Variants in MSH3 observed in about 807,000 individuals in gnomAD.
MSH3 encodes DNA mismatch repair protein Msh3.
MSH3 carries 106 observed loss-of-function variants against 123.3 expected under a neutral mutation model. That is an observed-to-expected ratio of 0.86 (90% CI 0.73 to 1.01). MSH3 has a LOEUF of 1.01. Among genes scored for constraint, MSH3 ranks in the 50% least tolerant of loss-of-function variants. The pLI, the probability that MSH3 is intolerant of heterozygous loss-of-function variation, is 0.00. For missense variants in MSH3, 1,459 were observed against 1,347.6 expected (o/e 1.08, Z -1.29); for synonymous variants, 515 against 481.4 (o/e 1.07, Z -0.91).
rs544571008 is a variant in MSH3, at chr5:80,758,576, T to C, written c.1764-2970T>C. Among the ~76,000 whole-genome samples, 9 of 152,320 alleles carry C rather than the reference T, an allele frequency of 5.9e-5. No individual in the cohort carries two copies. The East Asian group carries it at 9.6e-4, about 16-fold the overall frequency. The stretch of plus-strand genomic sequence containing the variant: ...CCTCTGAGGTAGTCCTTAAAGAAGG[T>C]TGGGTTAAAACCAAACTGATTGATA... On this transcript the variant is annotated intron_variant, in intron 12 of 23. Transcript: ENST00000265081.
intron 8 of MSH3, among the ~76,000 whole-genome samples, chr5:80,689,511 T>A (rs1750179172): frequency 1.3e-5 from 2 of 152,176 alleles, no homozygotes; most frequent in South Asian, 4.1e-4. Context: ...ACTTAAATAT[T>A]TATAAACTGA....
chr5:80,773,794 T>C (rs1209148517), intron 15 of MSH3, among the ~76,000 whole-genome samples: 1 of 152,194 alleles, frequency 6.6e-6, no homozygotes, highest in Non-Finnish European at 1.5e-5. Flanking sequence ...TTAAGACAGA[T>C]TCTTGCTCTG....
intron 22 of MSH3, 80 bp downstream of exon 22, chr5:80,865,022 T>G (rs1746076579): frequency 7.5e-7 from 1 of 1,330,890 alleles, no homozygotes; most frequent in Non-Finnish European, 1.1e-6. Flanking sequence ...ATGAACTTAC[T>G]GCTTATTAAT....
intron 8 of MSH3, among the ~76,000 whole-genome samples, chr5:80,692,413 CAT>C (rs1316418270): frequency 2.5e-4 from 8 of 31,512 alleles, no homozygotes; most frequent in South Asian, 1.2e-3. Context: ...GATAGATAAA[CAT>C]GTATATGTTT....
At chr5:80,792,147 T>G (rs878975043) in intron 18 of MSH3, among the ~76,000 whole-genome samples, 1 of 152,214 alleles carries the variant, frequency 6.6e-6, no homozygotes, top group Non-Finnish European at 1.5e-5. Context: ...GTGATTTACT[T>G]TATTGTATTC....
chr5:80,656,398 C>T lies in MSH3; in HGVS notation c.238-13C>T, dbSNP rs1749285116. 3 of 1,613,954 alleles carry T rather than the reference C, an allele frequency of 1.9e-6. No individual in the cohort carries two copies. The highest frequency in any genetic ancestry group is 2.2e-5 in the East Asian group (1 of 44,866). Reference sequence around the variant, plus strand: ...TAGAGATAACACATCATTTTCTAACCTTCCCGATATAGGCTACAGAAATTG... The same window carrying T: ...TAGAGATAACACATCATTTTCTAACTTTCCCGATATAGGCTACAGAAATTG... On this transcript the variant is annotated splice_polypyrimidine_tract_variant and intron_variant, in intron 1 of 23. Coordinates refer to ENST00000265081, the MANE Select transcript of MSH3 (RefSeq NM_002439.5).
intron 20 of MSH3, among the ~76,000 whole-genome samples, chr5:80,841,121 G>T (rs1345564076): frequency 6.6e-6 from 1 of 150,782 alleles, no homozygotes; most frequent in Non-Finnish European, 1.5e-5. Flanking sequence ...TGTTCTCATT[G>T]TTCAGTTCCC....
At chr5:80,747,329 T>C (rs934394631) in intron 12 of MSH3, among the ~76,000 whole-genome samples, 1 of 152,170 alleles carries the variant, frequency 6.6e-6, no homozygotes, top group Non-Finnish European at 1.5e-5. Flanking sequence ...TAGTAGACCA[T>C]GTTGTCTGTT....
intron 8 of MSH3, among the ~76,000 whole-genome samples, chr5:80,717,045 T>C (rs1348580238): frequency 1.3e-5 from 2 of 152,206 alleles, no homozygotes; most frequent in African/African-American, 4.8e-5. Flanking sequence ...GTTTCATTTT[T>C]TGGGGGGGGC....
At chr5:80,872,189 G>T (rs1170662658) in intron 22 of MSH3, among the ~76,000 whole-genome samples, 1 of 152,096 alleles carries the variant, frequency 6.6e-6, no homozygotes, top group African/African-American at 2.4e-5. Context: ...GAAATTATAG[G>T]CCTGGTATGG....
At chr5:80,872,393 G>A (rs1796408039) in intron 22 of MSH3, among the ~76,000 whole-genome samples, 1 of 152,144 alleles carries the variant, frequency 6.6e-6, no homozygotes, top group Admixed American at 6.6e-5. Flanking sequence ...CCTTGAACCT[G>A]GAAGATTGAG....
intron 8 of MSH3, among the ~76,000 whole-genome samples, chr5:80,713,780 C>G (rs549151132): frequency 1.0e-4 from 11 of 110,476 alleles, no homozygotes; most frequent in Non-Finnish European, 1.9e-5. Flanking sequence ...CGGTATTGTT[C>G]TTGTCGCCTG....
At chr5:80,697,033 C>T (rs1210510353) in intron 8 of MSH3, among the ~76,000 whole-genome samples, 1 of 152,172 alleles carries the variant, frequency 6.6e-6, no homozygotes, top group East Asian at 1.9e-4. Context: ...CTTTTCTTGG[C>T]AAATTAACAA....
intron 12 of MSH3, among the ~76,000 whole-genome samples, chr5:80,755,055 C>G (rs1437812756): frequency 2.6e-5 from 4 of 152,118 alleles, no homozygotes; most frequent in Non-Finnish European, 5.9e-5. Context: ...TTACTCAGCC[C>G]CTGGGGATGC....
intron 11 of MSH3, among the ~76,000 whole-genome samples, chr5:80,744,104 C>G (rs1352705759): frequency 6.6e-6 from 1 of 152,072 alleles, no homozygotes; most frequent in Non-Finnish European, 1.5e-5. Context: ...ATGTCTATCT[C>G]CAGCACCTTG....
At chr5:80,669,860 C>G (rs1205777220) in intron 3 of MSH3, among the ~76,000 whole-genome samples, 2 of 152,088 alleles carry the variant, frequency 1.3e-5, no homozygotes, top group African/African-American at 4.8e-5. Context: ...TTTAGACTTT[C>G]AAAATTTGCA....
chr5:80,775,031 G>T (rs977774987), intron 15 of MSH3, among the ~76,000 whole-genome samples: 1 of 152,010 alleles, frequency 6.6e-6, no homozygotes, highest in Non-Finnish European at 1.5e-5. Context: ...TGATTATTAC[G>T]CATTGTATGT....
intron 11 of MSH3, among the ~76,000 whole-genome samples, chr5:80,742,003 C>CTTTTT (rs565490803): frequency 4.8e-5 from 7 of 144,850 alleles, no homozygotes; most frequent in African/African-American, 1.0e-4. Flanking sequence ...TGCAAACTTT[C>CTTTTT]TTTTTTTTTT....
intron 12 of MSH3, among the ~76,000 whole-genome samples, chr5:80,761,065 C>G (rs745322653): frequency 1.3e-5 from 2 of 152,064 alleles, no homozygotes; most frequent in African/African-American, 2.4e-5. Context: ...TGTTGTAGGA[C>G]TTTTTCCTTA....
Sources: gnomAD v4.1 joint callset for allele counts (sites outside exome capture counted in the v4.1 genomes callset) on GRCh38, gnomAD v4.1.1 for gene constraint, MANE v1.5 for transcripts, NCBI Gene and HGNC (gene_info 2026-07-23, HGNC 2026-07-21) for gene names.